TGFBR2: variants seen among roughly 807,000 people sequenced by gnomAD.
The protein encoded by TGFBR2 is TGF-beta receptor type-2.
Under a neutral mutation model 49.0 loss-of-function variants are expected in TGFBR2, and 18 were observed. The observed-to-expected ratio is 0.37, with a 90% CI of 0.25 to 0.54. The LOEUF (loss-of-function observed/expected upper bound fraction) is 0.54, where lower values mean the gene tolerates loss of function less well. TGFBR2 is among the 20% of genes least tolerant of loss of function. The pLI is 0.85. For synonymous variants in TGFBR2, 282 were observed against 275.9 expected, an observed-to-expected ratio of 1.02 and a Z score of -0.22; for missense variants, 525 against 722.6, an observed-to-expected ratio of 0.73 and a Z score of 3.13.
Position 30,644,783 on chromosome 3 carries a change from C to T in TGFBR2, c.131C>T (p.Ala44Val), listed in dbSNP as rs759231102. The change falls in exon 2 of 7, where the codon GCA (alanine) becomes GTA (valine). Residue 44 changes from alanine to valine, a missense_variant. Transcript: ENST00000295754. ...NDMIVTDNNG[A>V]VKFPQLCKFC... ...ATGATAGTCACTGACAACAACGGTGCAGTCAAGTTTCCACAACTGTGTAAA... is the reference window on the plus strand; with the variant it reads ...ATGATAGTCACTGACAACAACGGTGTAGTCAAGTTTCCACAACTGTGTAAA... 1 of 1,614,110 alleles carries T rather than the reference C, an allele frequency of 6.2e-7. No individual in the cohort carries two copies. Among genetic ancestry groups the T allele is most frequent in the Admixed American group, 1.7e-5 (1 of 60,016 alleles).
chr3:30,640,949 C>T (rs1698632077), intron 1 of TGFBR2, among the ~76,000 whole-genome samples: 1 of 152,102 alleles, frequency 6.6e-6, no homozygotes, highest in South Asian at 2.1e-4. Context: ...ATGTATTAAA[C>T]GTAAGGAGAT....
At chr3:30,654,526 C>T (rs1387085651) in intron 3 of TGFBR2, among the ~76,000 whole-genome samples, 1 of 152,144 alleles carries the variant, frequency 6.6e-6, no homozygotes, top group Non-Finnish European at 1.5e-5. Flanking sequence ...TGCTTCCCTC[C>T]CAGTCTCTGA....
intron 1 of TGFBR2, among the ~76,000 whole-genome samples, chr3:30,624,608 C>A (rs1325655812): frequency 1.3e-5 from 2 of 149,062 alleles, no homozygotes; most frequent in Admixed American, 1.3e-4. Flanking sequence ...GAGCAAGACT[C>A]CGTCTCAAAG....
chr3:30,613,454 T>C (rs1575129069), intron 1 of TGFBR2, among the ~76,000 whole-genome samples: 1 of 152,098 alleles, frequency 6.6e-6, no homozygotes, highest in Non-Finnish European at 1.5e-5. Context: ...AGGCTGTCAT[T>C]GCTACTGGTT....
In TGFBR2 at chr3:30,608,172, C is replaced by T. The variant is rs528253517; in HGVS notation, c.94+1195C>T. On this transcript the variant is annotated intron_variant, in intron 1 of 6. Transcript: ENST00000295754. ...CAGGGTGGTCTCGATCTCTTGACCT[C>T]GTGATCCGCCCACCTTGGCCTCCCA... Among the ~76,000 whole-genome samples, 37 of 152,028 alleles carry T rather than the reference C, an allele frequency of 2.4e-4. 1 individual carries two copies. Among genetic ancestry groups the T allele is most frequent in the Middle Eastern group, 3.4e-3 (1 of 294 alleles).
chr3:30,654,724 A>G (rs1253926214), intron 3 of TGFBR2, among the ~76,000 whole-genome samples: 1 of 152,184 alleles, frequency 6.6e-6, no homozygotes, highest in East Asian at 1.9e-4. Context: ...GCAGCACAGG[A>G]GGTAGGAGAG....
chr3:30,691,682 C>G lies in TGFBR2; in HGVS notation c.*83C>G, dbSNP rs1043691434. 3 of 1,541,408 alleles carry G rather than the reference C, an allele frequency of 1.9e-6. No individual in the cohort carries two copies. Among genetic ancestry groups the G allele is most frequent in the Non-Finnish European group, 2.7e-6 (3 of 1,116,536 alleles). On this transcript the variant is annotated 3_prime_UTR_variant, in exon 7 of 7. Transcript: ENST00000295754. ...GAGGCAGCAGGAAGCTGCCCCTGAA[C>G]TGATGCTTCCTGGAAAACCAAGGGG...
In TGFBR2 at chr3:30,664,682, G is replaced by C. The variant is rs72850810; in HGVS notation, c.455-6956G>C. On this transcript the variant is annotated intron_variant, in intron 3 of 6. Transcript: ENST00000295754. ...CGCACACACATGCACACGCGCGTGC[G>C]CGCACACACACGTTGCTCTCAGCCT... 2.0e-5 allele frequency among the ~76,000 whole-genome samples: 3 copies of C among 152,284 alleles called. No individual in the cohort carries two copies. The South Asian group carries it at 6.2e-4, about 32-fold the overall frequency.
In TGFBR2 at chr3:30,688,406, A is replaced by G. The variant is rs1208454327; in HGVS notation, c.1419A>G (p.Pro473=). 5 of 1,614,176 alleles carry G rather than the reference A, an allele frequency of 3.1e-6. No individual in the cohort carries two copies. Among genetic ancestry groups the G allele is most frequent in the Non-Finnish European group, 3.4e-6 (4 of 1,180,010 alleles). The change falls in exon 6 of 7, where the codon CCA becomes CCG. Residue 473 remains proline (P), a synonymous_variant. Transcript: ENST00000295754. ...CAGAAGTAAAAGATTATGAGCCTCCATTTGGTTCCAAGGTGCGGGAGCACC... is the reference window on the plus strand; with the variant it reads ...CAGAAGTAAAAGATTATGAGCCTCCGTTTGGTTCCAAGGTGCGGGAGCACC... The part of the protein sequence containing the change: ...AVGEVKDYEP[P]FGSKVREHPC...
chr3:30,625,593 A>G (rs1698318620), intron 1 of TGFBR2, among the ~76,000 whole-genome samples: 1 of 152,192 alleles, frequency 6.6e-6, no homozygotes, highest in Non-Finnish European at 1.5e-5. Context: ...AAGATAGGAA[A>G]TTGTAAAATC....
chr3:30,618,521 C>T (rs1698171466), intron 1 of TGFBR2, among the ~76,000 whole-genome samples: 1 of 151,306 alleles, frequency 6.6e-6, no homozygotes, highest in African/African-American at 2.4e-5. Flanking sequence ...CAGGCACGAG[C>T]CATCGTGTCC....
At chr3:30,686,293 GA>G (rs1699621404) in intron 5 of TGFBR2, among the ~76,000 whole-genome samples, 1 of 152,086 alleles carries the variant, frequency 6.6e-6, no homozygotes, top group Non-Finnish European at 1.5e-5. Flanking sequence ...AGGAATGAAA[GA>G]AAAAAATAAG....
chr3:30,674,277 G>A (rs2125439554), intron 5 of TGFBR2, 31 bp downstream of exon 5: 1 of 1,613,502 alleles, frequency 6.2e-7, no homozygotes, highest in South Asian at 1.1e-5. Flanking sequence ...TTGTGTAGTG[G>A]TAAACTTGTC....
At chr3:30,646,482 T>C (rs1245331592) in intron 2 of TGFBR2, among the ~76,000 whole-genome samples, 2 of 152,116 alleles carry the variant, frequency 1.3e-5, no homozygotes, top group Non-Finnish European at 2.9e-5. Context: ...GCTGATGAAA[T>C]TGAAAGGCTC....
At chr3:30,607,099 T>A in intron 1 of TGFBR2, 122 bp downstream of exon 1, 1 of 787,678 alleles carries the variant, frequency 1.3e-6, no homozygotes, top group South Asian at 1.7e-5. Context: ...GAGGAAAGTT[T>A]CCCCCGCGAC....
At position 30,693,990 on chromosome 3, in the gene TGFBR2, T is replaced by C. The variant is rs1699755133; in HGVS notation, c.*2391T>C. 1 of 229,832 alleles carries C rather than the reference T, an allele frequency of 4.4e-6. No individual in the cohort carries two copies. Among genetic ancestry groups the C allele is most frequent in the African/African-American group, 2.2e-5 (1 of 45,134 alleles). 14.2% of individuals were successfully genotyped at this position (229,832 alleles called of 1,614,324 possible). ...TCATGTATTAAAATAGGAATGTGAA[T>C]GCTATATACTCTTTTTATATCAAAA... On this transcript the variant is annotated 3_prime_UTR_variant, in exon 7 of 7. Transcript: ENST00000295754.
intron 1 of TGFBR2, among the ~76,000 whole-genome samples, chr3:30,622,944 C>T (rs1321463969): frequency 2.9e-5 from 4 of 139,966 alleles, no homozygotes; most frequent in Non-Finnish European, 3.1e-5. Flanking sequence ...GAAACTAGTA[C>T]CAGGAAAACA....
rs538741195 is a variant in TGFBR2 at position 30,657,348 on chromosome 3, A to T, written c.454+6888A>T. On this transcript the variant is annotated intron_variant, in intron 3 of 6. Transcript: ENST00000295754. ...GCAAGAGGCACAACCTCAGGCTGAC[A>T]CTGTTTCCATGTCCGTGAGAAATGA... Among the ~76,000 whole-genome samples, 4 of 152,288 alleles carry T rather than the reference A, an allele frequency of 2.6e-5. No homozygotes were observed. The East Asian group carries it at 5.8e-4, about 22-fold the overall frequency.
chr3:30,646,537 G>A (rs1698745189), intron 2 of TGFBR2, among the ~76,000 whole-genome samples: 2 of 152,186 alleles, frequency 1.3e-5, no homozygotes, highest in South Asian at 2.1e-4. Context: ...ACTCTGAAGG[G>A]TAGAGGGAGG....
Sources: gnomAD v4.1 joint callset for allele counts (sites outside exome capture counted in the v4.1 genomes callset) on GRCh38, gnomAD v4.1.1 for gene constraint, MANE v1.5 for transcripts, NCBI Gene and HGNC (gene_info 2026-07-23, HGNC 2026-07-21) for gene names.